The following FBLN7 variants were observed in gnomAD, a reference collection of about 807,000 sequenced individuals.
FBLN7 encodes fibulin 7.
In FBLN7, 31 loss-of-function variants were observed where a neutral mutation model predicts 44.0. The ratio of observed to expected loss-of-function variants is 0.70; its 90% confidence interval spans 0.53 to 0.95. The LOEUF is 0.95. Among genes scored for constraint, FBLN7 ranks in the 40% least tolerant of loss-of-function variants. FBLN7 has a pLI of 0.00. For synonymous variants in FBLN7, 262 were observed against 253.4 expected, an observed-to-expected ratio of 1.03 and a Z score of -0.32; for missense variants, 573 against 618.5, an observed-to-expected ratio of 0.93 and a Z score of 0.78.
chr2:112,205,601 CTAAA>C, the FBLN7 span, among the ~76,000 whole-genome samples: 1 of 152,056 alleles, frequency 6.6e-6, no homozygotes, highest in Admixed American at 6.5e-5. Flanking sequence ...AAATAACAGT[CTAAA>C]TACACCAATT....
At chr2:112,224,188 T>C in the FBLN7 span, among the ~76,000 whole-genome samples, 2 of 152,182 alleles carry the variant, frequency 1.3e-5, no homozygotes, top group African/African-American at 4.8e-5. Flanking sequence ...ATTTGAAAAC[T>C]TCACATTTAT....
the FBLN7 span, among the ~76,000 whole-genome samples, chr2:112,228,104 A>T: frequency 6.6e-6 from 1 of 152,254 alleles, no homozygotes; most frequent in Non-Finnish European, 1.5e-5. Flanking sequence ...TATAGAGGTC[A>T]ATGGAACACA....
intron 2 of FBLN7, among the ~76,000 whole-genome samples, chr2:112,162,926 A>G (rs530015362): frequency 4.6e-5 from 7 of 152,322 alleles, no homozygotes; most frequent in South Asian, 4.1e-4. Flanking sequence ...GTAAAAAAAA[A>G]GAACTATAAA....
At chr2:112,184,685 G>GTATATATGGTATATATATCTATATGGTA (rs1683162318) in intron 6 of FBLN7, among the ~76,000 whole-genome samples, 1 of 144,868 alleles carries the variant, frequency 6.9e-6, no homozygotes. Flanking sequence ...TGTATATGGT[G>GTATATATGGTATATATATCTATATGGTA]TATATATGGT....
intron 4 of FBLN7, among the ~76,000 whole-genome samples, chr2:112,180,979 T>C (rs1462679791): frequency 1.5e-5 from 2 of 132,100 alleles, no homozygotes; most frequent in Admixed American, 7.5e-5. Flanking sequence ...ATGTGGGACA[T>C]ATACACCATG....
the FBLN7 span, among the ~76,000 whole-genome samples, chr2:112,210,681 G>GAAAAAAAAAAAAAA: frequency 1.5e-5 from 2 of 129,912 alleles, no homozygotes; most frequent in Non-Finnish European, 1.6e-5. Context: ...AAAAAAAAAG[G>GAAAAAAAAAAAAAA]AAAGGTAGAA....
At chr2:112,210,268 G>A in the FBLN7 span, among the ~76,000 whole-genome samples, 29 of 152,164 alleles carry the variant, frequency 1.9e-4, no homozygotes, top group South Asian at 1.0e-3. Flanking sequence ...GGTAGCTGCA[G>A]TGGCGATGGA....
At chr2:112,197,276 G>GAA in the FBLN7 span, among the ~76,000 whole-genome samples, 1 of 50,978 alleles carries the variant, frequency 2.0e-5, no homozygotes, top group Non-Finnish European at 4.9e-5. Context: ...CACACACACA[G>GAA]AGAGAGAGAG....
At chr2:112,205,537 AAAT>A in the FBLN7 span, among the ~76,000 whole-genome samples, 1 of 152,134 alleles carries the variant, frequency 6.6e-6, no homozygotes, top group African/African-American at 2.4e-5. Flanking sequence ...ATAACAAAAC[AAAT>A]AATAAAATGG....
the FBLN7 span, among the ~76,000 whole-genome samples, chr2:112,201,936 A>G: frequency 6.6e-6 from 1 of 152,222 alleles, no homozygotes; most frequent in African/African-American, 2.4e-5. Context: ...ATGAGGCTGA[A>G]TCACAAATTC....
intron 2 of FBLN7, among the ~76,000 whole-genome samples, chr2:112,160,419 T>C (rs1451109252): frequency 6.6e-6 from 1 of 152,220 alleles, no homozygotes; most frequent in East Asian, 1.9e-4. Context: ...CTTTTCATTC[T>C]GGCCTTAACA....
At chr2:112,235,488 C>A in the FBLN7 span, among the ~76,000 whole-genome samples, 4 of 152,176 alleles carry the variant, frequency 2.6e-5, no homozygotes, top group Non-Finnish European at 5.9e-5. Context: ...AACCACAGGG[C>A]TTCAGATTCC....
the FBLN7 span, chr2:112,238,388 T>C: frequency 6.2e-7 from 1 of 1,613,782 alleles, no homozygotes; most frequent in Non-Finnish European, 8.5e-7. Context: ...TTTCTCTGGC[T>C]TGTATGTACT....
chr2:112,142,897 GTA>G (rs1456829948), intron 1 of FBLN7, among the ~76,000 whole-genome samples: 2 of 152,050 alleles, frequency 1.3e-5, no homozygotes, highest in Non-Finnish European at 2.9e-5. Flanking sequence ...GATGGTAAGT[GTA>G]TGTGTGTGTG....
downstream of FBLN7, chr2:112,190,076 A>T (rs1279722922): frequency 6.6e-6 from 1 of 152,176 alleles, no homozygotes; most frequent in Non-Finnish European, 1.5e-5. Context: ...AAGACAAAAT[A>T]TAGGGTCATT....
At chr2:112,220,510 T>G in the FBLN7 span, among the ~76,000 whole-genome samples, 103 of 152,252 alleles carry the variant, frequency 6.8e-4, no homozygotes, top group African/African-American at 2.3e-3. Context: ...TGCTGATAGG[T>G]CTGCTGTTAG....
At chr2:112,143,628 G>A (rs66470738) in intron 1 of FBLN7, among the ~76,000 whole-genome samples, 13,249 of 152,100 alleles carry the variant, frequency 0.087, 746 homozygotes, top group African/African-American at 0.17. Context: ...CAGTTCCACC[G>A]CCCCCAAAAC....
chr2:112,229,356 T>C, the FBLN7 span, among the ~76,000 whole-genome samples: 7 of 152,244 alleles, frequency 4.6e-5, no homozygotes, highest in Non-Finnish European at 8.8e-5. Context: ...GTTACAGTTA[T>C]ACTCTTTTTT....
At position 112,146,132 on chromosome 2, in the gene FBLN7, C is replaced by A. The variant is rs151207596; in HGVS notation, c.75+7402C>A. Among the ~76,000 whole-genome samples the A allele has an allele frequency of 6.5e-3, 984 of 152,280 alleles. 15 individuals are homozygous for A. The highest frequency in any genetic ancestry group is 0.022 in the African/African-American group (927 of 41,544). ...GGTCAGGAGTCCGAGACCAGCCTGG[C>A]AAACATGGTGAAACCCCGTCTGTAC... On this transcript the variant is annotated intron_variant, in intron 1 of 7. Coordinates refer to ENST00000331203, the MANE Select transcript of FBLN7 (RefSeq NM_153214.3).
Sources: allele counts gnomAD v4.1 joint callset (sites outside exome capture counted in the v4.1 genomes callset), GRCh38; gene constraint gnomAD v4.1.1; transcripts MANE v1.5; gene names NCBI Gene and HGNC (gene_info 2026-07-23, HGNC 2026-07-21).